Variants in OPTN observed in about 807,000 individuals in gnomAD.
OPTN encodes E3-14.7K-interacting protein.
In OPTN, 54 loss-of-function variants were observed where a neutral mutation model predicts 70.4. The ratio of observed to expected loss-of-function variants is 0.77; its 90% CI spans 0.62 to 0.96. OPTN has a LOEUF of 0.96. Among genes scored for constraint, OPTN ranks in the 40% least tolerant of loss-of-function variants. The pLI, the probability that OPTN is intolerant of heterozygous loss-of-function variation, is 0.00. For missense variants in OPTN, 624 were observed against 673.2 expected (o/e 0.93, Z 0.81); for synonymous variants, 256 against 248.5 (o/e 1.03, Z -0.28).
rs1290248582 is a variant in OPTN at position 13,104,263 on chromosome 10, T to C, written c.-163-3875T>C. 6.6e-5 allele frequency among the ~76,000 whole-genome samples: 9 copies of C among 135,956 alleles called. No homozygotes were observed. The East Asian group carries it at 8.5e-4, about 13-fold the overall frequency. The allele number at this position is 135,956 out of a possible 152,430, so 89.2% of individuals were successfully genotyped here. A position where few individuals can be genotyped will look rare whatever the true frequency, so the allele number is the denominator to read the frequency against. Reference sequence around the variant, plus strand: ...AAATTAGTTTTTTTTTCTTTTTTTTTTTTTTTTTTTTTGTGAGACAGGGTC... The same window carrying C: ...AAATTAGTTTTTTTTTCTTTTTTTTCTTTTTTTTTTTTGTGAGACAGGGTC... On this transcript the variant is annotated intron_variant, in intron 1 of 14. Transcript: ENST00000378747.
chr10:13,130,085 G>A (rs1833560449), intron 12 of OPTN, among the ~76,000 whole-genome samples: 8 of 152,088 alleles, frequency 5.3e-5, no homozygotes, highest in Admixed American at 5.2e-4. Flanking sequence ...TCTCTTGATG[G>A]ATACTCTTGC....
At chr10:13,108,544 CT>C (rs34105780) in intron 2 of OPTN, among the ~76,000 whole-genome samples, 48,835 of 139,248 alleles carry the variant, frequency 0.35, 7,829 homozygotes, top group East Asian at 0.5. Flanking sequence ...TTATTGTACC[CT>C]TTTTTTTTTT....
chr10:13,107,237 T>C (rs932402110), intron 1 of OPTN, among the ~76,000 whole-genome samples: 8 of 151,452 alleles, frequency 5.3e-5, no homozygotes, highest in African/African-American at 1.5e-4. Context: ...TGGCCAGGCA[T>C]GGTGGCTGAC....
intron 12 of OPTN, among the ~76,000 whole-genome samples, chr10:13,130,424 CAAAAAAAA>C (rs1178080754): frequency 5.8e-5 from 3 of 51,756 alleles, no homozygotes; most frequent in East Asian, 7.4e-4. Flanking sequence ...GACTCTATCT[CAAAAAAAA>C]AAAAAAAAAA....
At chr10:13,114,830 T>TTATATAATTATATAACGTA (rs1833107662) in intron 5 of OPTN, among the ~76,000 whole-genome samples, 2 of 104,744 alleles carry the variant, frequency 1.9e-5, no homozygotes, top group South Asian at 2.9e-4. Flanking sequence ...AATTATATAA[T>TTATATAATTATATAACGTA]TATATAATTA....
At chr10:13,117,899 C>G (rs545734) in intron 6 of OPTN, among the ~76,000 whole-genome samples, 121,049 of 152,196 alleles carry the variant, frequency 0.8, 48,379 homozygotes, top group Middle Eastern at 0.95. Context: ...TCGTCAAACA[C>G]AGTAATTGGC....
intron 5 of OPTN, among the ~76,000 whole-genome samples, chr10:13,114,814 T>TTATATAATTATATATACATA (rs1554768964): frequency 6.1e-4 from 41 of 66,696 alleles, no homozygotes; most frequent in African/African-American, 2.6e-3. Flanking sequence ...ATATATATAA[T>TTATATAATTATATATACATA]TATATAATTA....
At chr10:13,120,872 T>C (rs749837749) in intron 7 of OPTN, among the ~76,000 whole-genome samples, 2 of 152,166 alleles carry the variant, frequency 1.3e-5, no homozygotes, top group Admixed American at 6.5e-5. Flanking sequence ...TCAGCATGGC[T>C]AGGGAGGCCT....
intron 6 of OPTN, 66 bp downstream of exon 6, chr10:13,116,406 C>A: frequency 9.5e-7 from 1 of 1,055,706 alleles, no homozygotes; most frequent in Non-Finnish European, 1.5e-6. Flanking sequence ...GGGTGCTTGT[C>A]ACCGGAGGTC....
chr10:13,105,133 T>G (rs1408099048), intron 1 of OPTN, among the ~76,000 whole-genome samples: 1 of 152,176 alleles, frequency 6.6e-6, no homozygotes, highest in South Asian at 2.1e-4. Context: ...ATTTTGGTAT[T>G]AAGTATTTAC....
At chr10:13,110,127 C>G in intron 3 of OPTN, 147 bp from the exon 4 acceptor site, 1 of 1,446,326 alleles carries the variant, frequency 6.9e-7, no homozygotes. Context: ...ACCACTTCGT[C>G]TTTTTGCTGC....
At chr10:13,109,310 G>A (rs375524946) in intron 3 of OPTN, 22 bp downstream of exon 3, 43 of 1,613,230 alleles carry the variant, frequency 2.7e-5, no homozygotes, top group Non-Finnish European at 3.4e-5. Context: ...TGGCCCCTGT[G>A]TGCCCCATTC....
chr10:13,112,453 G>T lies in OPTN; in HGVS notation c.370G>T (p.Asp124Tyr). The change falls in exon 5 of 15, where the codon GAC becomes TAC. Residue 124 changes from aspartate to tyrosine, a missense_variant and splice_region_variant. Coordinates refer to ENST00000378747, the MANE Select transcript of OPTN (RefSeq NM_001008212.2). ...TCACTTTACTCCTTGTCATCTCCAG[G>T]ACCCCACTGATGACTCCAGGCTTCC... ...LKGKSERSSEDPTDDSRLPRA... is the reference protein window; with the variant it reads ...LKGKSERSSEYPTDDSRLPRA... The T allele has an allele frequency of 6.2e-7, 1 of 1,613,902 alleles. No homozygotes were observed. The highest frequency in any genetic ancestry group is 8.5e-7 in the Non-Finnish European group (1 of 1,179,968).
At chr10:13,104,237 T>A (rs1184885226) in intron 1 of OPTN, among the ~76,000 whole-genome samples, 3 of 148,814 alleles carry the variant, frequency 2.0e-5, no homozygotes, top group Admixed American at 6.9e-5. Flanking sequence ...CAAAATCAGT[T>A]AAATTAGTTT....
chr10:13,102,998 G>GGT (rs1174904254), intron 1 of OPTN, among the ~76,000 whole-genome samples: 1 of 151,758 alleles, frequency 6.6e-6, no homozygotes, highest in Non-Finnish European at 1.5e-5. Flanking sequence ...GATGGCATTT[G>GGT]GTGACCCATT....
At chr10:13,106,859 T>A (rs1428600547) in intron 1 of OPTN, among the ~76,000 whole-genome samples, 2 of 152,228 alleles carry the variant, frequency 1.3e-5, no homozygotes, top group Non-Finnish European at 2.9e-5. Context: ...ACTGATATCA[T>A]GTGTAATGGA....
Position 13,118,965 on chromosome 10 carries a change from AG to A in OPTN, c.705del (p.Gln235HisfsTer6). ...GAACATGAGGAGTTAACTGTGAGCC[AG>A]CTCCTGCTGTGCCTAAGGGAAGGGA... is the stretch of plus-strand genomic sequence containing the variant. ...YFEHEELTVS[Q>X]LLLCLREGNQ... On this transcript the variant is annotated frameshift_variant, in exon 7 of 15. Coordinates refer to ENST00000378747, the MANE Select transcript of OPTN (RefSeq NM_001008212.2). LOFTEE classifies it high-confidence loss of function. 1.2e-6 allele frequency: 2 copies of A among 1,614,166 alleles called. No individual in the cohort carries two copies. The highest frequency in any genetic ancestry group is 1.7e-6 in the Non-Finnish European group (2 of 1,179,986).
chr10:13,131,936 C>T lies in OPTN; in HGVS notation c.1402-131C>T, dbSNP rs777779388. Reference sequence around the variant, plus strand: ...AAAGTCATGGTCATTATACTGTTTTCTAGCAGGATTGTGCATCTGTGATTC... The same window carrying T: ...AAAGTCATGGTCATTATACTGTTTTTTAGCAGGATTGTGCATCTGTGATTC... On this transcript the variant is annotated intron_variant, in intron 12 of 14. Coordinates refer to ENST00000378747, the MANE Select transcript of OPTN (RefSeq NM_001008212.2). 348 of 848,664 alleles carry T rather than the reference C, an allele frequency of 4.1e-4. 1 individual carries two copies. Among genetic ancestry groups the T allele is most frequent in the Admixed American group, 8.0e-5 (4 of 49,738 alleles). 52.6% of individuals were successfully genotyped at this position (848,664 alleles called of 1,614,324 possible).
intron 11 of OPTN, among the ~76,000 whole-genome samples, chr10:13,126,653 C>A (rs990298911): frequency 6.6e-6 from 1 of 152,202 alleles, no homozygotes; most frequent in Non-Finnish European, 1.5e-5. Context: ...GAAGGGCCAT[C>A]TGCTCTGGGG....
Sources: allele counts gnomAD v4.1 joint callset (sites outside exome capture counted in the v4.1 genomes callset), GRCh38; gene constraint gnomAD v4.1.1; transcripts MANE v1.5; gene names NCBI Gene and HGNC (gene_info 2026-07-23, HGNC 2026-07-21).